The following VRK2 variants were observed in gnomAD, a reference collection of about 807,000 sequenced individuals.
VRK2 encodes the protein VRK serine/threonine kinase 2.
VRK2 carries 60 observed loss-of-function variants against 57.6 expected under a neutral mutation model. The ratio of observed to expected loss-of-function variants is 1.04; its 90% CI spans 0.85 to 1.29. The LOEUF (loss-of-function observed/expected upper bound fraction) is 1.29. Ranked by LOEUF, VRK2 falls within the 50% of genes most tolerant of loss-of-function variation. VRK2 has a pLI of 0.00. For missense variants in VRK2, 705 were observed against 588.1 expected (o/e 1.20, Z -2.06); for synonymous variants, 231 against 199.2 (o/e 1.16, Z -1.35).
intron 8 of VRK2, among the ~76,000 whole-genome samples, chr2:58,129,919 C>T (rs1047411264): frequency 1.1e-4 from 17 of 151,796 alleles, no homozygotes; most frequent in Admixed American, 9.8e-4. Flanking sequence ...TTATTAATAC[C>T]GATGTGCAAA....
intron 1 of VRK2, among the ~76,000 whole-genome samples, chr2:57,925,886 C>T (rs970473855): frequency 4.0e-5 from 6 of 151,824 alleles, no homozygotes; most frequent in African/African-American, 1.2e-4. Context: ...TTCCTCTTAG[C>T]GCTGCTTTCA....
chr2:58,081,871 T>C (rs1670927588), intron 2 of VRK2, among the ~76,000 whole-genome samples: 1 of 150,844 alleles, frequency 6.6e-6, no homozygotes, highest in Admixed American at 6.6e-5. Flanking sequence ...TGTGTGTGTG[T>C]GTGTGTGTGT....
rs772916324 is a variant in VRK2 at position 58,084,069 on chromosome 2, T to C, written c.137-20T>C. ...TGGGAATAACTATTTTTCTCCATTGTGTGTTTTTTTTGTCTGCAGCTTTCC... is the reference window on the plus strand; with the variant it reads ...TGGGAATAACTATTTTTCTCCATTGCGTGTTTTTTTTGTCTGCAGCTTTCC... On this transcript the variant is annotated intron_variant, in intron 2 of 12. Coordinates refer to ENST00000340157, the MANE Select transcript of VRK2 (RefSeq NM_006296.7). The C allele has an allele frequency of 6.2e-7, 1 of 1,603,542 alleles. No individual in the cohort carries two copies. The highest frequency in any genetic ancestry group is 1.1e-5 in the South Asian group (1 of 88,832).
In VRK2 at chr2:58,123,159, AG is replaced by A; in HGVS notation, c.603del (p.Gln201HisfsTer14). On this transcript the variant is annotated frameshift_variant, in exon 8 of 13. Transcript: ENST00000340157. LOFTEE classifies it high-confidence loss of function. ...TATTGTCCCAATGGGAACCACAAACAGTATCAGGAAAATCCTAGAAAAGGCC... is the reference window on the plus strand; with the variant it reads ...TATTGTCCCAATGGGAACCACAAACATATCAGGAAAATCCTAGAAAAGGCC... ...YRYCPNGNHKQYQENPRKGHN... is the reference protein window; with the variant it reads ...YRYCPNGNHKXYQENPRKGHN... 6.3e-7 allele frequency: 1 copy of A among 1,595,128 alleles called. No homozygotes were observed. Among genetic ancestry groups the A allele is most frequent in the Non-Finnish European group, 8.5e-7 (1 of 1,174,838 alleles).
At chr2:57,936,770 G>A (rs1054403445) in intron 1 of VRK2, among the ~76,000 whole-genome samples, 1 of 152,096 alleles carries the variant, frequency 6.6e-6, no homozygotes, top group African/African-American at 2.4e-5. Context: ...ATAAATAAAT[G>A]ATTGAATTAA....
At chr2:57,997,556 T>C (rs1003631069) in intron 1 of VRK2, among the ~76,000 whole-genome samples, 3 of 152,188 alleles carry the variant, frequency 2.0e-5, no homozygotes, top group African/African-American at 7.2e-5. Context: ...ATGAGCTAAA[T>C]TTTTTTAGAT....
chr2:58,157,216 G>C (rs1684017302), intron 12 of VRK2, among the ~76,000 whole-genome samples: 1 of 152,068 alleles, frequency 6.6e-6, no homozygotes, highest in Non-Finnish European at 1.5e-5. Flanking sequence ...GGGAAGTCTG[G>C]TATCAGATTT....
At chr2:58,153,989 G>T (rs1310934029) in intron 12 of VRK2, among the ~76,000 whole-genome samples, 1 of 152,010 alleles carries the variant, frequency 6.6e-6, no homozygotes. Flanking sequence ...TTTATCTCTT[G>T]CATTTTTATT....
intron 1 of VRK2, among the ~76,000 whole-genome samples, chr2:57,929,708 C>T (rs1365394913): frequency 6.6e-6 from 1 of 152,216 alleles, no homozygotes; most frequent in East Asian, 1.9e-4. Flanking sequence ...CTACTCAAGG[C>T]CCACAGAAAG....
At chr2:58,067,358 A>T (rs929442772) in intron 2 of VRK2, among the ~76,000 whole-genome samples, 1 of 152,114 alleles carries the variant, frequency 6.6e-6, no homozygotes, top group African/African-American at 2.4e-5. Flanking sequence ...TCATATATAC[A>T]TCTATATACA....
At chr2:58,091,574 AT>A (rs1462495324) in intron 7 of VRK2, among the ~76,000 whole-genome samples, 1 of 152,064 alleles carries the variant, frequency 6.6e-6, no homozygotes, top group Non-Finnish European at 1.5e-5. Flanking sequence ...AAAAAATGTA[AT>A]TGAATATTTG....
intron 1 of VRK2, among the ~76,000 whole-genome samples, chr2:57,924,869 G>C (rs903186493): frequency 5.9e-5 from 9 of 151,918 alleles, no homozygotes; most frequent in Admixed American, 5.9e-4. Context: ...TTATGTTAAG[G>C]TATGTTGCTT....
intron 1 of VRK2, among the ~76,000 whole-genome samples, chr2:57,988,347 T>A (rs1672663882): frequency 6.6e-6 from 1 of 152,232 alleles, no homozygotes; most frequent in African/African-American, 2.4e-5. Context: ...TGTTGTGGTT[T>A]ACCAGCAAGT....
chr2:57,978,467 T>C (rs1459146685), intron 1 of VRK2, among the ~76,000 whole-genome samples: 2 of 150,928 alleles, frequency 1.3e-5, no homozygotes, highest in Non-Finnish European at 2.9e-5. Flanking sequence ...TAATAAACAT[T>C]TTATGAAATT....
At chr2:58,091,365 T>A (rs1218535088) in intron 7 of VRK2, among the ~76,000 whole-genome samples, 1 of 152,120 alleles carries the variant, frequency 6.6e-6, no homozygotes, top group Non-Finnish European at 1.5e-5. Flanking sequence ...TGCTCTAAAT[T>A]TACCTAAATC....
chr2:58,129,930 A>C (rs1678931610), intron 8 of VRK2, among the ~76,000 whole-genome samples: 2 of 152,320 alleles, frequency 1.3e-5, no homozygotes, highest in Admixed American at 6.5e-5. Flanking sequence ...GATGTGCAAA[A>C]AAGAAAATAA....
At chr2:58,139,927 TTTC>T (rs1681075780) in intron 11 of VRK2, 95 bp downstream of exon 11, 1 of 1,317,506 alleles carries the variant, frequency 7.6e-7, no homozygotes, top group Admixed American at 2.5e-5. Flanking sequence ...GTCTGACAGC[TTTC>T]TTCTTCCTTA....
chr2:58,014,594 T>C (rs1016450015), intron 1 of VRK2, among the ~76,000 whole-genome samples: 4 of 152,204 alleles, frequency 2.6e-5, no homozygotes, highest in African/African-American at 9.6e-5. Context: ...CTATACTGCT[T>C]GCACACTATG....
At chr2:58,060,552 C>A (rs1677172629) in intron 2 of VRK2, among the ~76,000 whole-genome samples, 1 of 151,434 alleles carries the variant, frequency 6.6e-6, no homozygotes. Flanking sequence ...ATAAAGAGAC[C>A]ATCAAGAAGA....
Sources: allele counts gnomAD v4.1 joint callset (sites outside exome capture counted in the v4.1 genomes callset), GRCh38; gene constraint gnomAD v4.1.1; transcripts MANE v1.5; gene names NCBI Gene and HGNC (gene_info 2026-07-23, HGNC 2026-07-21).